Variants in MALRD1 observed in about 807,000 individuals in gnomAD.
MALRD1 encodes MAM and LDL-receptor class A domain-containing protein 1.
MALRD1 carries 247 observed loss-of-function variants against 242.1 expected under a neutral mutation model. The ratio of observed to expected loss-of-function variants is 1.02; its 90% CI spans 0.92 to 1.13. The LOEUF (loss-of-function observed/expected upper bound fraction) is 1.13. MALRD1 is among the 50% of genes most tolerant of loss of function. The pLI is 0.00. For missense variants in MALRD1, 2,989 were observed against 2,533.1 expected (o/e 1.18, Z -3.86); for synonymous variants, 995 against 866.6 (o/e 1.15, Z -2.60).
chr10:19,672,274 C>A (rs116379103), intron 36 of MALRD1, among the ~76,000 whole-genome samples: 3,554 of 151,870 alleles, frequency 0.023, 82 homozygotes, highest in African/African-American at 0.057. Context: ...ATCTCTCTCT[C>A]TATATATATA....
intron 13 of MALRD1, among the ~76,000 whole-genome samples, chr10:19,167,312 T>G (rs1042798496): frequency 1.3e-5 from 2 of 152,108 alleles, no homozygotes; most frequent in African/African-American, 2.4e-5. Flanking sequence ...TGAGCTGACA[T>G]GGCGCCACTG....
intron 32 of MALRD1, among the ~76,000 whole-genome samples, chr10:19,548,278 C>A (rs185777029): frequency 2.0e-5 from 3 of 151,906 alleles, no homozygotes; most frequent in Non-Finnish European, 2.9e-5. Flanking sequence ...GGATTACAGG[C>A]GTGAACCACC....
chr10:19,315,587 A>G (rs868041190), intron 21 of MALRD1, among the ~76,000 whole-genome samples: 82 of 65,342 alleles, frequency 1.3e-3, no homozygotes, highest in Non-Finnish European at 2.3e-3. Context: ...ATTATAAATT[A>G]TAAATATTTA....
At chr10:19,094,918 A>C (rs1434918580) in intron 4 of MALRD1, among the ~76,000 whole-genome samples, 1 of 152,212 alleles carries the variant, frequency 6.6e-6, no homozygotes, top group South Asian at 2.1e-4. Flanking sequence ...TTGAAGAATT[A>C]TTGCCTATTT....
Position 19,459,501 on chromosome 10 carries a change from G to C in MALRD1, c.5029+9011G>C, listed in dbSNP as rs1835829901. 2.0e-5 allele frequency among the ~76,000 whole-genome samples: 3 copies of C among 152,008 alleles called. No individual in the cohort carries two copies. In the South Asian group the frequency reaches 6.2e-4, roughly 31 times the overall value. On this transcript the variant is annotated intron_variant, in intron 29 of 39. Transcript: ENST00000454679. ...ATTAAGCCTTAGAGCCCAATTACTT[G>C]TTTCTTATAAAATCAGGGACTAGTT...
intron 5 of MALRD1, among the ~76,000 whole-genome samples, chr10:19,119,264 G>A (rs1836978966): frequency 6.6e-6 from 1 of 152,074 alleles, no homozygotes; most frequent in South Asian, 2.1e-4. Context: ...AAAAATCAGA[G>A]GTTTATTGAG....
intron 36 of MALRD1, among the ~76,000 whole-genome samples, chr10:19,616,516 G>A (rs1839164905): frequency 1.3e-5 from 2 of 151,908 alleles, no homozygotes; most frequent in Admixed American, 1.3e-4. Flanking sequence ...TTGGGGAATT[G>A]TGCAAAACAG....
At chr10:19,433,624 T>C (rs1259006018) in intron 28 of MALRD1, among the ~76,000 whole-genome samples, 1 of 152,060 alleles carries the variant, frequency 6.6e-6, no homozygotes, top group Non-Finnish European at 1.5e-5. Context: ...ATATTGAAGA[T>C]CTAGAGGCAG....
intron 31 of MALRD1, among the ~76,000 whole-genome samples, chr10:19,523,431 TATC>T (rs1399817977): frequency 6.6e-6 from 1 of 152,230 alleles, no homozygotes; most frequent in Non-Finnish European, 1.5e-5. Context: ...AGTGACCACT[TATC>T]ATTTTACCTA....
At chr10:19,684,195 C>T (rs963190187) in intron 36 of MALRD1, among the ~76,000 whole-genome samples, 14 of 152,136 alleles carry the variant, frequency 9.2e-5, no homozygotes, top group African/African-American at 3.1e-4. Context: ...TGAAAATCTC[C>T]ATCAGATTGC....
chr10:19,686,557 T>C (rs887318976), intron 36 of MALRD1, among the ~76,000 whole-genome samples: 1 of 152,202 alleles, frequency 6.6e-6, no homozygotes, highest in Non-Finnish European at 1.5e-5. Flanking sequence ...TTCAGGTGTT[T>C]CTATCCAATG....
At chr10:19,243,213 C>A (rs1037735585) in intron 18 of MALRD1, among the ~76,000 whole-genome samples, 29 of 151,764 alleles carry the variant, frequency 1.9e-4, no homozygotes, top group Admixed American at 1.6e-3. Flanking sequence ...TCTCCCCCGC[C>A]ACACACACAA....
At chr10:19,217,558 G>T in intron 18 of MALRD1, among the ~76,000 whole-genome samples, 1 of 131,690 alleles carries the variant, frequency 7.6e-6, no homozygotes, top group East Asian at 2.5e-4. Flanking sequence ...TTTTGAGACA[G>T]AGTCTCACTC....
intron 28 of MALRD1, among the ~76,000 whole-genome samples, chr10:19,398,903 C>T (rs545378480): frequency 6.6e-4 from 100 of 152,248 alleles, no homozygotes; most frequent in Non-Finnish European, 1.2e-3. Flanking sequence ...TAAATGCTGC[C>T]ACAGCAAAGA....
At chr10:19,306,877 A>T (rs981673935) in intron 21 of MALRD1, among the ~76,000 whole-genome samples, 1 of 151,410 alleles carries the variant, frequency 6.6e-6, no homozygotes, top group South Asian at 2.1e-4. Flanking sequence ...CTATCAAGAG[A>T]ACAGTAGCAT....
intron 12 of MALRD1, among the ~76,000 whole-genome samples, chr10:19,163,090 A>G (rs1048062290): frequency 7.5e-6 from 1 of 133,364 alleles, no homozygotes; most frequent in Non-Finnish European, 1.5e-5. Context: ...GTGAGCCGTG[A>G]TCATGCCACT....
At chr10:19,375,332 A>T (rs759864057) in intron 26 of MALRD1, among the ~76,000 whole-genome samples, 6 of 152,200 alleles carry the variant, frequency 3.9e-5, no homozygotes, top group Non-Finnish European at 8.8e-5. Context: ...AAAGTTAGAC[A>T]GCTAATGTAT....
chr10:19,541,947 G>T (rs1166716978), intron 32 of MALRD1, among the ~76,000 whole-genome samples: 1 of 152,088 alleles, frequency 6.6e-6, no homozygotes, highest in Non-Finnish European at 1.5e-5. Context: ...AGGCAGGATG[G>T]GAAGGTCCTT....
rs146805482 is a variant in MALRD1 at position 19,639,852 on chromosome 10, C to T, written c.6137+23929C>T. Among the ~76,000 whole-genome samples, 124 of 152,160 alleles carry T rather than the reference C, an allele frequency of 8.1e-4. 1 individual carries two copies. Among genetic ancestry groups the T allele is most frequent in the African/African-American group, 2.9e-3 (121 of 41,504 alleles). On this transcript the variant is annotated intron_variant, in intron 36 of 39. Coordinates refer to ENST00000454679, the MANE Select transcript of MALRD1 (RefSeq NM_001142308.3). ...AATTAAACCTAGAGTTACCATTGCCCTAAAGAGTCGATGTGTGGCTTTGTA... is the reference window on the plus strand; with the variant it reads ...AATTAAACCTAGAGTTACCATTGCCTTAAAGAGTCGATGTGTGGCTTTGTA...
Sources: allele counts gnomAD v4.1 joint callset (sites outside exome capture counted in the v4.1 genomes callset), GRCh38; gene constraint gnomAD v4.1.1; transcripts MANE v1.5; gene names NCBI Gene and HGNC (gene_info 2026-07-23, HGNC 2026-07-21).